SLC35F4: variants seen among roughly 807,000 people sequenced by gnomAD.
SLC35F4 encodes the protein chromosome 14 open reading frame 36.
In SLC35F4, 24 loss-of-function variants were observed where a neutral mutation model predicts 44.2. That is an observed-to-expected ratio of 0.54 (90% CI 0.39 to 0.76). The LOEUF is 0.76. Among genes scored for constraint, SLC35F4 ranks in the 30% least tolerant of loss-of-function variants. SLC35F4 has a pLI of 0.00. For missense variants in SLC35F4, 562 were observed against 586.1 expected (o/e 0.96, Z 0.42); for synonymous variants, 238 against 223.6 (o/e 1.06, Z -0.57).
chr14:57,759,571 A>G (rs2077074437), intron 1 of SLC35F4, among the ~76,000 whole-genome samples: 3 of 152,158 alleles, frequency 2.0e-5, no homozygotes, highest in African/African-American at 7.2e-5. Flanking sequence ...CAGAGCAAAA[A>G]AAGAAAAAAA....
intron 1 of SLC35F4, among the ~76,000 whole-genome samples, chr14:57,750,001 CAT>C (rs1301530965): frequency 2.0e-5 from 3 of 152,092 alleles, no homozygotes; most frequent in Non-Finnish European, 2.9e-5. Flanking sequence ...CTAAATAACA[CAT>C]GTTGTACTCG....
chr14:57,785,454 G>A (rs2077731989), intron 1 of SLC35F4, among the ~76,000 whole-genome samples: 1 of 152,190 alleles, frequency 6.6e-6, no homozygotes, highest in Non-Finnish European at 1.5e-5. Flanking sequence ...TCTGTACAGA[G>A]CAGTATGCGG....
At chr14:57,638,715 A>G (rs1236492067) in intron 1 of SLC35F4, among the ~76,000 whole-genome samples, 1 of 152,108 alleles carries the variant, frequency 6.6e-6, no homozygotes, top group Non-Finnish European at 1.5e-5. Flanking sequence ...AGGCTACTAC[A>G]GGAAAGGCAG....
intron 1 of SLC35F4, among the ~76,000 whole-genome samples, chr14:57,860,475 G>A (rs767699666): frequency 5.3e-5 from 8 of 152,130 alleles, no homozygotes; most frequent in Admixed American, 2.0e-4. Flanking sequence ...TTCTAAAACA[G>A]TGATTTCAAC....
intron 1 of SLC35F4, among the ~76,000 whole-genome samples, chr14:57,633,373 T>C (rs1422497159): frequency 6.6e-6 from 1 of 152,184 alleles, no homozygotes; most frequent in Non-Finnish European, 1.5e-5. Context: ...TTCCTGTTGC[T>C]CCACATGCTC....
intron 1 of SLC35F4, among the ~76,000 whole-genome samples, chr14:57,809,531 C>T (rs1881726174): frequency 6.6e-6 from 1 of 152,190 alleles, no homozygotes; most frequent in Non-Finnish European, 1.5e-5. Context: ...ACAGAAGATC[C>T]ACCCCCATCA....
intron 1 of SLC35F4, among the ~76,000 whole-genome samples, chr14:57,804,723 G>A (rs1881093248): frequency 6.6e-6 from 1 of 152,192 alleles, no homozygotes; most frequent in Admixed American, 6.5e-5. Context: ...AAGGTTTCAT[G>A]ACAAAAATGC....
At chr14:57,834,452 G>A (rs1332995676) in intron 1 of SLC35F4, among the ~76,000 whole-genome samples, 1 of 152,188 alleles carries the variant, frequency 6.6e-6, no homozygotes, top group African/African-American at 2.4e-5. Context: ...GTCCAAAGTG[G>A]TAATCATGCA....
intron 1 of SLC35F4, among the ~76,000 whole-genome samples, chr14:57,901,593 G>A (rs1353038840): frequency 1.3e-5 from 2 of 152,100 alleles, no homozygotes; most frequent in Non-Finnish European, 2.9e-5. Context: ...ATACCTGGAT[G>A]ATCTGTGCAG....
At chr14:57,742,055 A>C (rs955698740) in intron 1 of SLC35F4, among the ~76,000 whole-genome samples, 11 of 152,198 alleles carry the variant, frequency 7.2e-5, no homozygotes, top group Non-Finnish European at 1.3e-4. Context: ...GCCTGCCCTA[A>C]AAGAGCTCCT....
chr14:57,868,216 A>T (rs1888223496), upstream of SLC35F4, among the ~76,000 whole-genome samples: 1 of 152,224 alleles, frequency 6.6e-6, no homozygotes, highest in Admixed American at 6.5e-5. Flanking sequence ...TAAATTTTAA[A>T]ATAGCAAAGC....
rs370569268 is a variant in SLC35F4, at chr14:57,672,571, G to A, written c.104-78447C>T. On this transcript the variant is annotated intron_variant, in intron 1 of 7. Coordinates refer to ENST00000556826, the MANE Select transcript of SLC35F4 (RefSeq NM_001306087.2). ...ACATCAGGTCAGTATTAATACTACCGCTATATGATTATAAAATAACTGTCC... is the reference window on the plus strand; with the variant it reads ...ACATCAGGTCAGTATTAATACTACCACTATATGATTATAAAATAACTGTCC... 3.0e-4 allele frequency among the ~76,000 whole-genome samples: 45 copies of A among 152,104 alleles called. 1 individual carries two copies. The highest frequency in any genetic ancestry group is 6.8e-4 in the African/African-American group (28 of 41,438).
intron 1 of SLC35F4, among the ~76,000 whole-genome samples, chr14:57,661,615 T>C (rs1404330154): frequency 1.3e-5 from 2 of 152,172 alleles, no homozygotes; most frequent in Non-Finnish European, 2.9e-5. Context: ...ACTTGAGTCA[T>C]AATATCAAGC....
At chr14:57,580,523 C>T (rs1049485722) in intron 4 of SLC35F4, 4 of 396,460 alleles carry the variant, frequency 1.0e-5, no homozygotes, top group Non-Finnish European at 2.0e-5. Flanking sequence ...CTTAAATCTT[C>T]AGGGCTTCCC....
intron 1 of SLC35F4, among the ~76,000 whole-genome samples, chr14:57,921,118 A>G (rs1423070507): frequency 6.6e-6 from 1 of 152,222 alleles, no homozygotes; most frequent in Non-Finnish European, 1.5e-5. Context: ...TGTTCATCTC[A>G]CTGAACCAGA....
At chr14:57,748,432 T>C (rs148168439) in intron 1 of SLC35F4, among the ~76,000 whole-genome samples, 556 of 152,254 alleles carry the variant, frequency 3.7e-3, no homozygotes, top group Non-Finnish European at 6.3e-3. Flanking sequence ...CAGTGGGTTT[T>C]TTTTAAAGGT....
At chr14:57,675,062 A>C (rs2074645650) in intron 1 of SLC35F4, among the ~76,000 whole-genome samples, 1 of 152,102 alleles carries the variant, frequency 6.6e-6, no homozygotes, top group African/African-American at 2.4e-5. Context: ...TTCCACTTAC[A>C]TAAAATTCTA....
chr14:57,713,416 TC>T (rs1275927320), intron 1 of SLC35F4, among the ~76,000 whole-genome samples: 9 of 152,150 alleles, frequency 5.9e-5, no homozygotes, highest in Admixed American at 5.9e-4. Context: ...CAGTTTTATT[TC>T]CCCTCCCCTA....
chr14:57,905,007 CAATAAG>C (rs1286656335), intron 1 of SLC35F4, among the ~76,000 whole-genome samples: 25 of 152,146 alleles, frequency 1.6e-4, no homozygotes, highest in African/African-American at 4.8e-4. Flanking sequence ...TGGTATGTAA[CAATAAG>C]AATAATTTTA....
Sources: gnomAD v4.1 joint callset for allele counts (sites outside exome capture counted in the v4.1 genomes callset) on GRCh38, gnomAD v4.1.1 for gene constraint, MANE v1.5 for transcripts, NCBI Gene and HGNC (gene_info 2026-07-23, HGNC 2026-07-21) for gene names.